R3HDM2: variants seen among roughly 807,000 people sequenced by gnomAD.
The protein encoded by R3HDM2 is R3H domain-containing protein 2.
R3HDM2 carries 38 observed loss-of-function variants against 124.5 expected under a neutral mutation model. The observed-to-expected ratio is 0.31, with a 90% CI of 0.24 to 0.40. The LOEUF is 0.40. Among genes scored for constraint, R3HDM2 ranks in the 10% least tolerant of loss-of-function variants. The pLI is 1.00. For synonymous variants in R3HDM2, 391 were observed against 448.0 expected (o/e 0.87, Z 1.61); for missense variants, 869 against 1,236.9 (o/e 0.70, Z 4.46).
chr12:57,364,952 C>CCAA (rs1566352416), intron 2 of R3HDM2, among the ~76,000 whole-genome samples: 7 of 46,470 alleles, frequency 1.5e-4, no homozygotes, highest in African/African-American at 2.6e-4. Context: ...GACTCCATCT[C>CCAA]AAAAAAAAAA....
chr12:57,424,857 C>T (rs531293522), intron 1 of R3HDM2, among the ~76,000 whole-genome samples: 1 of 152,216 alleles, frequency 6.6e-6, no homozygotes, highest in Admixed American at 6.5e-5. Context: ...GTATGAACCA[C>T]CAAGCCAAGC....
At chr12:57,304,591 T>G (rs2052132004) in intron 3 of R3HDM2, 1 of 815,286 alleles carries the variant, frequency 1.2e-6, no homozygotes, top group Non-Finnish European at 1.5e-6. Context: ...GAATAAGAAA[T>G]GATGGTGGAT....
intron 2 of R3HDM2, among the ~76,000 whole-genome samples, chr12:57,347,951 G>C (rs2060233438): frequency 6.6e-6 from 1 of 152,092 alleles, no homozygotes; most frequent in Non-Finnish European, 1.5e-5. Flanking sequence ...ATGAGGTCTT[G>C]CCTAGGTGAC....
At chr12:57,310,942 TA>T (rs1453891309) in intron 2 of R3HDM2, among the ~76,000 whole-genome samples, 1 of 152,218 alleles carries the variant, frequency 6.6e-6, no homozygotes, top group Non-Finnish European at 1.5e-5. Flanking sequence ...GATTCAGTTC[TA>T]AAGTAGCATG....
At chr12:57,404,021 TA>T (rs1360261955) in intron 1 of R3HDM2, among the ~76,000 whole-genome samples, 7 of 143,896 alleles carry the variant, frequency 4.9e-5, no homozygotes, top group South Asian at 2.3e-4. Context: ...GCACATATAC[TA>T]AAAAAAAATA....
chr12:57,305,448 G>A (rs1202432204), intron 3 of R3HDM2, among the ~76,000 whole-genome samples: 3 of 152,028 alleles, frequency 2.0e-5, no homozygotes, highest in Non-Finnish European at 4.4e-5. Flanking sequence ...CCATTTAAAA[G>A]TTTTTTATAA....
chr12:57,385,943 T>G (rs1407298738), intron 2 of R3HDM2, among the ~76,000 whole-genome samples: 4 of 152,146 alleles, frequency 2.6e-5, no homozygotes, highest in African/African-American at 9.7e-5. Context: ...AGAAGATATA[T>G]GAAATGGAAT....
At chr12:57,357,337 C>G (rs1370483567) in intron 2 of R3HDM2, among the ~76,000 whole-genome samples, 2 of 151,828 alleles carry the variant, frequency 1.3e-5, no homozygotes, top group Non-Finnish European at 2.9e-5. Context: ...TGGCACATGC[C>G]TGTAGTCCCA....
At chr12:57,420,631 G>A (rs1031540280) in intron 1 of R3HDM2, among the ~76,000 whole-genome samples, 28 of 151,360 alleles carry the variant, frequency 1.8e-4, no homozygotes, top group Middle Eastern at 6.8e-3. Context: ...TTGGGATTAC[G>A]GGCGTGAGCC....
At position 57,296,493 on chromosome 12, in the gene R3HDM2, C is replaced by T; in HGVS notation, c.619G>A (p.Val207Ile). 1 of 1,552,008 alleles carries T rather than the reference C, an allele frequency of 6.4e-7. No homozygotes were observed. Among genetic ancestry groups the T allele is most frequent in the Non-Finnish European group, 8.7e-7 (1 of 1,146,970 alleles). ...TGGTCCATCCCAAAATAGGCAGCTA[C>T]CCGGTGTAATAGCATCCGGTGATAT... ...TSYHRMLLHR[V>I]AAYFGMDHNV... Residue 207 changes from valine (V) to isoleucine (I), a missense_variant, in exon 9 of 24, where the codon GTA (valine) becomes ATA (isoleucine). By Grantham distance (29) the Val-to-Ile change is conservative. Around this residue, in one of 2 missense-constraint regions of R3HDM2, gnomAD observed 267 missense variants for 447.7 expected, o/e 0.60. Transcript: ENST00000402412. The surrounding 1 kb of genome is among the most constrained non-coding windows in gnomAD (Gnocchi z 4.5).
intron 1 of R3HDM2, among the ~76,000 whole-genome samples, chr12:57,409,827 G>C (rs1018836123): frequency 4.6e-5 from 7 of 152,052 alleles, no homozygotes; most frequent in Non-Finnish European, 1.0e-4. Context: ...GTCTCAGTAA[G>C]TTCTTTGAAG....
intron 2 of R3HDM2, among the ~76,000 whole-genome samples, chr12:57,394,689 T>C (rs1182059013): frequency 6.6e-6 from 1 of 152,160 alleles, no homozygotes; most frequent in Non-Finnish European, 1.5e-5. Context: ...GTAATCTGTA[T>C]ATAAGCATTT....
intron 14 of R3HDM2, among the ~76,000 whole-genome samples, chr12:57,271,138 G>A (rs539512996): frequency 6.6e-6 from 1 of 152,228 alleles, no homozygotes; most frequent in East Asian, 1.9e-4. Flanking sequence ...GCAAGACTGG[G>A]GGCTCCCACT....
chr12:57,267,023 T>C, intron 18 of R3HDM2, 192 bp from the exon 19 acceptor site: 1 of 485,824 alleles, frequency 2.1e-6, no homozygotes, highest in Non-Finnish European at 3.7e-6. Flanking sequence ...TTGTACTTGA[T>C]CATCTTTCAA....
intron 1 of R3HDM2, among the ~76,000 whole-genome samples, chr12:57,402,873 T>C (rs915143230): frequency 7.9e-5 from 12 of 152,150 alleles, no homozygotes; most frequent in Non-Finnish European, 1.6e-4. Context: ...AAGGAAATTC[T>C]TGATGTATAA....
At chr12:57,354,396 G>A (rs749363074) in intron 2 of R3HDM2, among the ~76,000 whole-genome samples, 2 of 151,828 alleles carry the variant, frequency 1.3e-5, no homozygotes, top group African/African-American at 2.4e-5. Flanking sequence ...AGGTTCAAGC[G>A]ATTCTCATGT....
intron 5 of R3HDM2, 85 bp from the exon 6 acceptor site, chr12:57,299,563 T>C: frequency 7.4e-7 from 1 of 1,349,142 alleles, no homozygotes; most frequent in Non-Finnish European, 1.0e-6. Context: ...AGGTAAATCT[T>C]GGGGTGGCAG....
In R3HDM2 at chr12:57,336,708, T is replaced by C. The variant is rs142095412; in HGVS notation, c.-35-26245A>G. ...GGGAGAGGACCAGAAAAGATAACTA[T>C]TGGGTACTGGGCTTAACACTGGTGG... On this transcript the variant is annotated intron_variant, in intron 2 of 23. Transcript: ENST00000402412. Among the ~76,000 whole-genome samples, 755 of 152,114 alleles carry C rather than the reference T, an allele frequency of 5.0e-3. 7 individuals carry two copies. Among genetic ancestry groups the C allele is most frequent in the Non-Finnish European group, 8.3e-3 (563 of 67,998 alleles).
Position 57,259,007 on chromosome 12 carries a change from A to G in R3HDM2, c.2184T>C (p.Asn728=), listed in dbSNP as rs746906702. ...ATGGGTTCTGAGGGGGCTGGGGTCC[A>G]TTAGGGACATTCAGCTGCATGACCA... The part of the protein sequence containing the change: ...GVVVMQLNVP[N]GPQPPQNPSM... The change falls in exon 20 of 24, where the codon AAT becomes AAC. Residue 728 remains asparagine, a synonymous_variant. Coordinates refer to ENST00000402412, the MANE Select transcript of R3HDM2 (RefSeq NM_001394031.1). The G allele has an allele frequency of 6.2e-7, 1 of 1,613,472 alleles. No individual in the cohort carries two copies. Among genetic ancestry groups the G allele is most frequent in the Non-Finnish European group, 8.5e-7 (1 of 1,179,932 alleles).
Sources: allele counts gnomAD v4.1 joint callset (sites outside exome capture counted in the v4.1 genomes callset), GRCh38; gene constraint gnomAD v4.1.1; regional missense constraint gnomAD v4.1.1; non-coding constraint Gnocchi (gnomAD v3.1); transcripts MANE v1.5; gene names NCBI Gene and HGNC (gene_info 2026-07-23, HGNC 2026-07-21).